Variants in SLC13A1 observed in about 807,000 individuals in gnomAD.
SLC13A1 encodes solute carrier family 13 member 1.
A neutral mutation model predicts 70.0 loss-of-function variants in SLC13A1; 65 were observed. The ratio of observed to expected loss-of-function variants is 0.93; its 90% CI spans 0.76 to 1.14. SLC13A1 has a LOEUF of 1.14. Ranked by LOEUF, SLC13A1 falls within the 50% of genes most tolerant of loss-of-function variation. SLC13A1 has a pLI of 0.00. For missense variants in SLC13A1, 726 were observed against 717.8 expected (o/e 1.01, Z -0.13); for synonymous variants, 275 against 250.5 (o/e 1.10, Z -0.92).
chr7:123,115,683 G>C, intron 14 of SLC13A1, 28 bp from the exon 15 acceptor site: 2 of 1,611,324 alleles, frequency 1.2e-6, no homozygotes, highest in Non-Finnish European at 1.7e-6. Context: ...ATAAATGTCA[G>C]TGTCCCAGAA....
intron 6 of SLC13A1, among the ~76,000 whole-genome samples, chr7:123,166,462 T>C (rs1360379487): frequency 1.3e-5 from 2 of 152,108 alleles, no homozygotes; most frequent in Admixed American, 6.6e-5. Context: ...GTTACATATG[T>C]ATACATGTGC....
At chr7:123,194,234 T>C (rs1796098559) in intron 1 of SLC13A1, among the ~76,000 whole-genome samples, 1 of 152,096 alleles carries the variant, frequency 6.6e-6, no homozygotes. Context: ...CATCACAGCC[T>C]GAGCCTTCCT....
chr7:123,122,468 C>A (rs1168897714), intron 12 of SLC13A1, among the ~76,000 whole-genome samples: 2 of 152,092 alleles, frequency 1.3e-5, no homozygotes, highest in Non-Finnish European at 2.9e-5. Flanking sequence ...AACAACTCTA[C>A]AAAGACCAGG....
At chr7:123,158,420 C>T (rs1794783166) in intron 6 of SLC13A1, among the ~76,000 whole-genome samples, 1 of 151,874 alleles carries the variant, frequency 6.6e-6, no homozygotes, top group African/African-American at 2.4e-5. Context: ...GAATATAAAT[C>T]AGAAGTTACT....
In SLC13A1 at chr7:123,115,393, G is replaced by T; in HGVS notation, c.*125C>A. 1 of 968,790 alleles carries T rather than the reference G, an allele frequency of 1.0e-6. No homozygotes were observed. Among genetic ancestry groups the T allele is most frequent in the Non-Finnish European group, 1.5e-6 (1 of 660,724 alleles). The allele number at this position is 968,790 out of a possible 1,614,324, so 60.0% of individuals were successfully genotyped here. On this transcript the variant is annotated 3_prime_UTR_variant, in exon 15 of 15. Coordinates refer to ENST00000194130, the MANE Select transcript of SLC13A1 (RefSeq NM_022444.4). Reference sequence around the variant, plus strand: ...AACAGCAGGTTTCGGGTATTCACAGGAATTGCAGCAGCTACACCATAACTG... The same window carrying T: ...AACAGCAGGTTTCGGGTATTCACAGTAATTGCAGCAGCTACACCATAACTG...
chr7:123,165,402 TTTTCTCTATTGAAAGG>T (rs1157964463), intron 6 of SLC13A1, among the ~76,000 whole-genome samples: 6 of 152,178 alleles, frequency 3.9e-5, no homozygotes, highest in Admixed American at 3.9e-4. Flanking sequence ...CTCCGTTATC[TTTTCTCTATTGAAAGG>T]TTATTCTTAC....
chr7:123,190,730 C>T (rs1354011811), intron 1 of SLC13A1: 1 of 412,954 alleles, frequency 2.4e-6, no homozygotes, highest in Admixed American at 2.6e-5. Flanking sequence ...TCATCTTTGA[C>T]ATGAATCAAA....
At chr7:123,180,843 G>T (rs1236703176) in intron 2 of SLC13A1, 130 bp downstream of exon 2, 6 of 897,770 alleles carry the variant, frequency 6.7e-6, no homozygotes, top group Non-Finnish European at 9.9e-6. Context: ...AGGAGAAACA[G>T]TTGGAAGTTT....
intron 2 of SLC13A1, among the ~76,000 whole-genome samples, chr7:123,173,072 G>A (rs189662097): frequency 6.6e-6 from 1 of 152,156 alleles, no homozygotes; most frequent in African/African-American, 2.4e-5. Context: ...AGGCTGTGCT[G>A]AAAGAGGATT....
At chr7:123,127,726 G>A (rs1436273467) in intron 10 of SLC13A1, among the ~76,000 whole-genome samples, 1 of 151,526 alleles carries the variant, frequency 6.6e-6, no homozygotes, top group Non-Finnish European at 1.5e-5. Flanking sequence ...CAGAAACATT[G>A]ACAATGCCTA....
At chr7:123,168,253 G>A (rs571248686) in intron 6 of SLC13A1, 121 bp downstream of exon 6, 1 of 651,704 alleles carries the variant, frequency 1.5e-6, no homozygotes, top group East Asian at 2.8e-5. Context: ...CTACTGCTTA[G>A]TCAAGCAAAA....
Position 123,117,610 on chromosome 7 carries a change from T to G in SLC13A1, c.1513-2A>C. ...AGGGTTCACATGAATGGCTTCGGCC[T>G]GTTGTAAGAGATAAAAAAGAGTCTA... On this transcript the variant is annotated splice_acceptor_variant, in intron 13 of 14. Coordinates refer to ENST00000194130, the MANE Select transcript of SLC13A1 (RefSeq NM_022444.4). LOFTEE classifies it high-confidence loss of function. 6.3e-7 allele frequency: 1 copy of G among 1,588,472 alleles called. No homozygotes were observed. Among genetic ancestry groups the G allele is most frequent in the Non-Finnish European group, 8.6e-7 (1 of 1,165,700 alleles).
intron 6 of SLC13A1, among the ~76,000 whole-genome samples, chr7:123,162,431 G>A (rs904771071): frequency 6.6e-6 from 1 of 152,030 alleles, no homozygotes; most frequent in African/African-American, 2.4e-5. Context: ...AGGGTGTATG[G>A]TATTCTCCCT....
chr7:123,188,431 C>T (rs1157192718), intron 1 of SLC13A1, among the ~76,000 whole-genome samples: 1 of 152,188 alleles, frequency 6.6e-6, no homozygotes, highest in African/African-American at 2.4e-5. Context: ...AATTCCATTT[C>T]ACCATCCTTG....
chr7:123,186,898 A>G (rs1032631954), intron 1 of SLC13A1: 1 of 273,332 alleles, frequency 3.7e-6, no homozygotes, highest in African/African-American at 2.3e-5. Context: ...AAAGATTTAC[A>G]GTTATGACTA....
chr7:123,172,807 G>C (rs1031193093), intron 2 of SLC13A1, among the ~76,000 whole-genome samples: 1 of 151,174 alleles, frequency 6.6e-6, no homozygotes, highest in Admixed American at 6.6e-5. Flanking sequence ...TTTTTAAAAG[G>C]GTTGTGTAAT....
intron 6 of SLC13A1, among the ~76,000 whole-genome samples, chr7:123,166,069 T>C (rs749575484): frequency 3.3e-5 from 5 of 151,986 alleles, no homozygotes; most frequent in Non-Finnish European, 5.9e-5. Context: ...CAGATCAAAC[T>C]AGTTGCTCCT....
intron 14 of SLC13A1, 65 bp from the exon 15 acceptor site, chr7:123,115,720 A>G (rs1420159616): frequency 2.9e-5 from 45 of 1,546,668 alleles, no homozygotes; most frequent in Non-Finnish European, 3.0e-5. Flanking sequence ...TTAGAATCCT[A>G]TTGTAGGATG....
At chr7:123,116,256 A>G (rs1793178236) in intron 14 of SLC13A1, among the ~76,000 whole-genome samples, 1 of 152,178 alleles carries the variant, frequency 6.6e-6, no homozygotes, top group African/African-American at 2.4e-5. Flanking sequence ...AAACAATCTC[A>G]GAGTTGCTTT....
Sources: allele counts gnomAD v4.1 joint callset (sites outside exome capture counted in the v4.1 genomes callset), GRCh38; gene constraint gnomAD v4.1.1; transcripts MANE v1.5; gene names NCBI Gene and HGNC (gene_info 2026-07-23, HGNC 2026-07-21).